The following CFAP54 variants were observed in gnomAD, a reference collection of about 807,000 sequenced individuals.
CFAP54 encodes the protein cilia- and flagella-associated protein 54.
CFAP54 carries 290 observed loss-of-function variants against 370.4 expected under a neutral mutation model. The ratio of observed to expected loss-of-function variants is 0.78; its 90% CI spans 0.71 to 0.86. The LOEUF is 0.86. CFAP54 is among the 40% of genes least tolerant of loss of function. CFAP54 has a pLI of 0.00. For synonymous variants in CFAP54, 1,206 were observed against 1,236.5 expected (o/e 0.98, Z 0.52); for missense variants, 3,399 against 3,528.7 (o/e 0.96, Z 0.93).
At position 96,822,754 on chromosome 12, in the gene CFAP54, A is replaced by C. The variant is rs1335110129; in HGVS notation, c.9096+4841A>C. ...CATCCCAGGGGGAATCCTTTAGAAT[A>C]CACAGAAAAGTTTCTTGTAAATCCT... On this transcript the variant is annotated intron_variant, in intron 65 of 67. Coordinates refer to ENST00000524981, the MANE Select transcript of CFAP54 (RefSeq NM_001306084.2). 2.6e-5 allele frequency among the ~76,000 whole-genome samples: 4 copies of C among 152,218 alleles called. No individual in the cohort carries two copies. In the East Asian group the frequency reaches 7.7e-4, roughly 29 times the overall value.
intron 51 of CFAP54, among the ~76,000 whole-genome samples, chr12:96,742,194 C>T (rs916583280): frequency 3.9e-5 from 6 of 151,940 alleles, no homozygotes; most frequent in East Asian, 1.9e-4. Flanking sequence ...ACAATGGGTA[C>T]GGAGAGAAAA....
intron 60 of CFAP54, among the ~76,000 whole-genome samples, chr12:96,782,580 A>T (rs1005027933): frequency 2.6e-5 from 4 of 152,188 alleles, no homozygotes; most frequent in African/African-American, 7.2e-5. Flanking sequence ...GAAACAAATT[A>T]TAAAATTTCA....
At chr12:96,687,506 C>G (rs538317495) in intron 42 of CFAP54, among the ~76,000 whole-genome samples, 23 of 152,284 alleles carry the variant, frequency 1.5e-4, no homozygotes, top group Non-Finnish European at 3.2e-4. Context: ...ACAGTTACCT[C>G]TTTAGCTTAC....
At chr12:96,874,620 T>TTTTTTTG (rs1960252777) in intron 67 of CFAP54, among the ~76,000 whole-genome samples, 1 of 70,156 alleles carries the variant, frequency 1.4e-5, no homozygotes, top group Non-Finnish European at 2.4e-5. Flanking sequence ...TGCTTTTTTT[T>TTTTTTTG]ATTTTTATTT....
intron 9 of CFAP54, among the ~76,000 whole-genome samples, chr12:96,531,199 G>A (rs1341849191): frequency 6.6e-6 from 1 of 151,954 alleles, no homozygotes; most frequent in African/African-American, 2.4e-5. Flanking sequence ...TAAGAATTTT[G>A]AAGTAGTTTG....
At chr12:96,699,848 T>C (rs1592714670) in intron 45 of CFAP54, 123 bp from the exon 46 acceptor site, 2 of 730,294 alleles carry the variant, frequency 2.7e-6, no homozygotes, top group South Asian at 1.9e-5. Context: ...TAATTCATAA[T>C]GCATTACCAA....
intron 48 of CFAP54, among the ~76,000 whole-genome samples, chr12:96,709,548 G>A (rs1414051928): frequency 6.6e-6 from 1 of 152,014 alleles, no homozygotes; most frequent in Admixed American, 6.6e-5. Context: ...ATCATTGAAA[G>A]GGTGTTGAAT....
chr12:96,819,557 A>G (rs1959009321), intron 65 of CFAP54, among the ~76,000 whole-genome samples: 1 of 152,038 alleles, frequency 6.6e-6, no homozygotes, highest in African/African-American at 2.4e-5. Flanking sequence ...CTTCTCCCCA[A>G]CTTCTTCTTT....
At chr12:96,789,804 C>G (rs530736215) in intron 62 of CFAP54, among the ~76,000 whole-genome samples, 1 of 152,260 alleles carries the variant, frequency 6.6e-6, no homozygotes, top group Non-Finnish European at 1.5e-5. Context: ...CTCTGGAGAT[C>G]ATTGTCTCTT....
At chr12:96,727,990 T>C (rs371274108) in intron 50 of CFAP54, among the ~76,000 whole-genome samples, 12,996 of 152,036 alleles carry the variant, frequency 0.085, 781 homozygotes, top group South Asian at 0.27. Flanking sequence ...TCTTTAAGAA[T>C]GTTGAATATT....
At chr12:96,505,465 CTT>C (rs1455691667) in intron 3 of CFAP54, among the ~76,000 whole-genome samples, 1 of 150,224 alleles carries the variant, frequency 6.7e-6, no homozygotes, top group Non-Finnish European at 1.5e-5. Flanking sequence ...TGCTCTCTCT[CTT>C]TTTCTGAGCC....
At chr12:96,577,376 C>A (rs962507964) in intron 20 of CFAP54, among the ~76,000 whole-genome samples, 11 of 152,210 alleles carry the variant, frequency 7.2e-5, no homozygotes, top group Non-Finnish European at 1.5e-4. Flanking sequence ...AGTTTCTTCA[C>A]AAGAATTTGG....
intron 19 of CFAP54, among the ~76,000 whole-genome samples, chr12:96,570,319 T>TC (rs1955903522): frequency 6.6e-6 from 1 of 151,284 alleles, no homozygotes; most frequent in African/African-American, 2.4e-5. Flanking sequence ...TCTTTTCTTT[T>TC]TTTTTTTTTT....
chr12:96,780,209 T>G (rs570058626), intron 60 of CFAP54, among the ~76,000 whole-genome samples: 1 of 152,330 alleles, frequency 6.6e-6, no homozygotes, highest in East Asian at 1.9e-4. Context: ...TAATTAGTCC[T>G]TATAATGGTT....
intron 34 of CFAP54, among the ~76,000 whole-genome samples, chr12:96,648,645 C>A (rs1956825436): frequency 7.8e-6 from 1 of 128,432 alleles, no homozygotes; most frequent in African/African-American, 3.0e-5. Context: ...GGCTGGAGTG[C>A]AGTGGCGATC....
intron 65 of CFAP54, among the ~76,000 whole-genome samples, chr12:96,820,133 C>G (rs990668802): frequency 6.6e-6 from 1 of 152,188 alleles, no homozygotes; most frequent in Admixed American, 6.5e-5. Context: ...TCTTGCCTCA[C>G]TCTGCTGATA....
chr12:96,786,200 CTTTT>C (rs35563047), intron 61 of CFAP54, among the ~76,000 whole-genome samples: 2 of 137,684 alleles, frequency 1.5e-5, no homozygotes, highest in Admixed American at 7.3e-5. Flanking sequence ...TTTTTTTAAT[CTTTT>C]TTTTTTTTTT....
At chr12:96,557,135 C>CT (rs148182253) in intron 17 of CFAP54, among the ~76,000 whole-genome samples, 19,995 of 152,136 alleles carry the variant, frequency 0.13, 1,405 homozygotes, top group Middle Eastern at 0.19. Flanking sequence ...GTTTCCTTGT[C>CT]TTTTCCAGCT....
At chr12:96,740,121 T>A in intron 51 of CFAP54, 60 bp downstream of exon 51, 1 of 918,510 alleles carries the variant, frequency 1.1e-6, no homozygotes, top group Non-Finnish European at 1.7e-6. Context: ...ATTGGCATGC[T>A]AGGATATTGT....
Sources: allele counts gnomAD v4.1 joint callset (sites outside exome capture counted in the v4.1 genomes callset), GRCh38; gene constraint gnomAD v4.1.1; transcripts MANE v1.5; gene names NCBI Gene and HGNC (gene_info 2026-07-23, HGNC 2026-07-21).